ETV5: variants seen among roughly 807,000 people sequenced by gnomAD.
ETV5 encodes the protein ETS translocation variant 5.
ETV5 carries 10 observed loss-of-function variants against 70.0 expected under a neutral mutation model. The observed-to-expected ratio is 0.14, with a 90% CI of 0.09 to 0.24. The LOEUF is 0.24. Among genes scored for constraint, ETV5 ranks in the 10% least tolerant of loss-of-function variants. ETV5 has a pLI of 1.00. For missense variants in ETV5, 453 were observed against 651.2 expected (o/e 0.70, Z 3.31); for synonymous variants, 216 against 242.2 (o/e 0.89, Z 1.01).
chr3:186,089,519 A>T (rs1475423545), intron 5 of ETV5, among the ~76,000 whole-genome samples: 1 of 152,250 alleles, frequency 6.6e-6, no homozygotes, highest in East Asian at 1.9e-4. Context: ...TGACCCAATT[A>T]TCTCCATCTG....
intron 11 of ETV5, among the ~76,000 whole-genome samples, chr3:186,056,827 GC>G (rs765829521): frequency 9.5e-4 from 145 of 152,260 alleles, no homozygotes; most frequent in African/African-American, 3.5e-3. Context: ...TCATGATCTT[GC>G]CCCCTAAATT....
rs906429940 is a variant in ETV5, at chr3:186,048,003, G to A, written c.*636C>T. On this transcript the variant is annotated 3_prime_UTR_variant, in exon 13 of 13. Coordinates refer to ENST00000306376, the MANE Select transcript of ETV5 (RefSeq NM_004454.3). The stretch of plus-strand genomic sequence containing the variant: ...AGAGAAAGGGGGCTTGCTCTACTTG[G>A]CGACCACATGGCCGGGTGGTTCCCA... 4.3e-6 allele frequency: 1 copy of A among 233,330 alleles called. No individual in the cohort carries two copies. Among genetic ancestry groups the A allele is most frequent in the Admixed American group, 5.6e-5 (1 of 17,774 alleles). 14.5% of individuals were successfully genotyped at this position (233,330 alleles called of 1,614,324 possible).
intron 11 of ETV5, among the ~76,000 whole-genome samples, chr3:186,056,078 C>G (rs936722720): frequency 6.6e-6 from 1 of 152,062 alleles, no homozygotes; most frequent in Non-Finnish European, 1.5e-5. Context: ...ATACTGAGAG[C>G]CTGATTTAAT....
Position 186,090,969 on chromosome 3 carries a change from C to A in ETV5, c.233-9794G>T, listed in dbSNP as rs77764659. On this transcript the variant is annotated intron_variant, in intron 5 of 12. Coordinates refer to ENST00000306376, the MANE Select transcript of ETV5 (RefSeq NM_004454.3). ...AAGTAAGTACACTGGCTTGGAAAAT[C>A]CCCTGTGCCTTTATGTCTTAGGAAC... Among the ~76,000 whole-genome samples, 1,310 of 152,282 alleles carry A rather than the reference C, an allele frequency of 8.6e-3. 55 individuals are homozygous for A. The East Asian group carries it at 0.12, about 14-fold the overall frequency.
chr3:186,083,352 A>C (rs1560052445), intron 5 of ETV5, among the ~76,000 whole-genome samples: 1 of 152,180 alleles, frequency 6.6e-6, no homozygotes, highest in Non-Finnish European at 1.5e-5. Context: ...TCACCACTTT[A>C]CCTAAGTTTG....
intron 5 of ETV5, among the ~76,000 whole-genome samples, chr3:186,093,675 C>G (rs372938857): frequency 1.3e-5 from 2 of 152,168 alleles, no homozygotes; most frequent in Non-Finnish European, 2.9e-5. Context: ...TCAGGTTGAC[C>G]GGCCCAAGTG....
At chr3:186,095,853 C>T (rs762243099) in intron 5 of ETV5, among the ~76,000 whole-genome samples, 1 of 152,202 alleles carries the variant, frequency 6.6e-6, no homozygotes, top group South Asian at 2.1e-4. Context: ...CAGCTGGAGG[C>T]TGGGGCAGCT....
At chr3:186,100,591 C>A (rs1462118420) in intron 5 of ETV5, among the ~76,000 whole-genome samples, 3 of 152,190 alleles carry the variant, frequency 2.0e-5, no homozygotes, top group African/African-American at 7.2e-5. Context: ...ATTTCCCCAG[C>A]CGTCTATTGC....
At chr3:186,108,804 G>T (rs545161678) in intron 1 of ETV5, 136 bp downstream of exon 1, 3 of 337,328 alleles carry the variant, frequency 8.9e-6, no homozygotes, top group South Asian at 2.7e-5. Context: ...GTCAACCCGG[G>T]GGGGGTCACC....
Position 186,086,962 on chromosome 3 carries a change from C to A in ETV5, c.233-5787G>T, listed in dbSNP as rs537367678. On this transcript the variant is annotated intron_variant, in intron 5 of 12. Coordinates refer to ENST00000306376, the MANE Select transcript of ETV5 (RefSeq NM_004454.3). ...CTCCAGACTGGGCAACAGAGTGAGACCCTGTCTCAAGAAAAAACAAAGAAA... is the reference window on the plus strand; with the variant it reads ...CTCCAGACTGGGCAACAGAGTGAGAACCTGTCTCAAGAAAAAACAAAGAAA... 7.2e-5 allele frequency among the ~76,000 whole-genome samples: 11 copies of A among 152,104 alleles called. No individual in the cohort carries two copies. In the South Asian group the frequency reaches 1.9e-3, roughly 26 times the overall value.
chr3:186,104,599 TC>T (rs1274665999), intron 5 of ETV5, among the ~76,000 whole-genome samples: 1 of 152,076 alleles, frequency 6.6e-6, no homozygotes. Flanking sequence ...AATATCAGGT[TC>T]ATGATTCACA....
chr3:186,092,257 G>A (rs966610089), intron 5 of ETV5, among the ~76,000 whole-genome samples: 1 of 152,134 alleles, frequency 6.6e-6, no homozygotes, highest in African/African-American at 2.4e-5. Context: ...CTAAAGGGAA[G>A]AAAAGGAGCT....
intron 8 of ETV5, among the ~76,000 whole-genome samples, chr3:186,065,381 C>T (rs150902323): frequency 2.3e-4 from 35 of 152,340 alleles, no homozygotes; most frequent in African/African-American, 7.2e-4. Context: ...ATCACTACCT[C>T]ACACTTGGTA....
At chr3:186,076,479 C>A (rs1314577919) in intron 7 of ETV5, 1 of 183,872 alleles carries the variant, frequency 5.4e-6, no homozygotes, top group Middle Eastern at 2.0e-3. Context: ...AGTGTGGACA[C>A]CTGATAGATC....
chr3:186,076,156 C>G (rs911834285), intron 7 of ETV5: 2 of 227,658 alleles, frequency 8.8e-6, no homozygotes, highest in Non-Finnish European at 1.7e-5. Context: ...GTCTTTTCCC[C>G]TCTCCTTGTG....
chr3:186,087,818 C>A (rs2150151444), intron 5 of ETV5, among the ~76,000 whole-genome samples: 1 of 152,010 alleles, frequency 6.6e-6, no homozygotes, highest in Admixed American at 6.5e-5. Context: ...TTATGATGAG[C>A]AACAGTTCCA....
At chr3:186,066,795 A>G (rs1045895006) in intron 7 of ETV5, among the ~76,000 whole-genome samples, 1 of 152,266 alleles carries the variant, frequency 6.6e-6, no homozygotes, top group Non-Finnish European at 1.5e-5. Flanking sequence ...ATATGTCATA[A>G]AACTTCAATA....
intron 5 of ETV5, among the ~76,000 whole-genome samples, chr3:186,095,920 G>A (rs927202949): frequency 6.6e-6 from 1 of 152,156 alleles, no homozygotes. Context: ...TATGCACCAG[G>A]TGTCCACAGT....
chr3:186,096,863 CA>C (rs1348029007), intron 5 of ETV5, among the ~76,000 whole-genome samples: 3 of 151,994 alleles, frequency 2.0e-5, no homozygotes, highest in Non-Finnish European at 4.4e-5. Context: ...GGTGAGCTAC[CA>C]GGTAAGATGT....
Sources: gnomAD v4.1 joint callset for allele counts (sites outside exome capture counted in the v4.1 genomes callset) on GRCh38, gnomAD v4.1.1 for gene constraint, MANE v1.5 for transcripts, NCBI Gene and HGNC (gene_info 2026-07-23, HGNC 2026-07-21) for gene names.